Variants in COX7B2 observed in about 807,000 individuals in gnomAD.
The protein encoded by COX7B2 is cytochrome c oxidase subunit 7B2, mitochondrial.
For synonymous variants in COX7B2, 37 were observed against 32.1 expected, an observed-to-expected ratio of 1.15 and a Z score of -0.51; for missense variants, 109 against 95.9, an observed-to-expected ratio of 1.14 and a Z score of -0.57.
intron 2 of COX7B2, among the ~76,000 whole-genome samples, chr4:46,772,713 C>T (rs1235817582): frequency 3.3e-5 from 5 of 151,872 alleles, no homozygotes; most frequent in Admixed American, 3.3e-4. Flanking sequence ...CTCATCTTCA[C>T]AGAAATTTAT....
At chr4:46,807,498 G>GC (rs1719064698) in intron 2 of COX7B2, among the ~76,000 whole-genome samples, 1 of 151,750 alleles carries the variant, frequency 6.6e-6, no homozygotes, top group African/African-American at 2.4e-5. Context: ...CTATACAGGA[G>GC]TTTTTTTAGT....
chr4:46,867,429 C>A (rs887096161), intron 1 of COX7B2, among the ~76,000 whole-genome samples: 1 of 152,202 alleles, frequency 6.6e-6, no homozygotes, highest in African/African-American at 2.4e-5. Context: ...TCTCTAGCTG[C>A]CTTTGATGCT....
chr4:46,848,810 C>T (rs186312312), intron 1 of COX7B2, among the ~76,000 whole-genome samples: 2 of 151,912 alleles, frequency 1.3e-5, no homozygotes, highest in African/African-American at 2.4e-5. Flanking sequence ...TATGCTCAAT[C>T]GTCCCTTGGA....
At chr4:46,787,240 G>A (rs1430392496) in intron 2 of COX7B2, among the ~76,000 whole-genome samples, 1 of 152,176 alleles carries the variant, frequency 6.6e-6, no homozygotes, top group Non-Finnish European at 1.5e-5. Flanking sequence ...CTAAGGTCGG[G>A]AGTTTGAGAC....
At chr4:46,870,566 T>C (rs1717926297) in intron 1 of COX7B2, among the ~76,000 whole-genome samples, 1 of 152,084 alleles carries the variant, frequency 6.6e-6, no homozygotes, top group African/African-American at 2.4e-5. Flanking sequence ...GATGACATGA[T>C]TCAGTATCTA....
At chr4:46,759,143 C>T (rs1352980880) in intron 2 of COX7B2, among the ~76,000 whole-genome samples, 1 of 151,932 alleles carries the variant, frequency 6.6e-6, no homozygotes, top group Non-Finnish European at 1.5e-5. Flanking sequence ...TACTTCTATC[C>T]CAGATCTCAG....
intron 1 of COX7B2, among the ~76,000 whole-genome samples, chr4:46,848,244 C>A (rs999091692): frequency 2.0e-5 from 3 of 151,992 alleles, no homozygotes; most frequent in Non-Finnish European, 2.9e-5. Flanking sequence ...TAATTAAAGT[C>A]GGCTCATTTT....
intron 1 of COX7B2, among the ~76,000 whole-genome samples, chr4:46,845,237 T>C (rs568451024): frequency 6.6e-6 from 1 of 152,042 alleles, no homozygotes; most frequent in Admixed American, 6.6e-5. Context: ...TGTTTTCCAA[T>C]AGTGGTAGAG....
chr4:46,815,723 T>C (rs1448420579), intron 2 of COX7B2, among the ~76,000 whole-genome samples: 1 of 152,200 alleles, frequency 6.6e-6, no homozygotes, highest in Non-Finnish European at 1.5e-5. Flanking sequence ...TTATTTTCTA[T>C]TATTAAAACT....
intron 2 of COX7B2, among the ~76,000 whole-genome samples, chr4:46,775,034 GGATT>G (rs1253266169): frequency 6.6e-6 from 1 of 151,932 alleles, no homozygotes; most frequent in Non-Finnish European, 1.5e-5. Context: ...AGGTTTCTGT[GGATT>G]TTCTGTGGTC....
chr4:46,842,809 C>A (rs1449952677), intron 2 of COX7B2, among the ~76,000 whole-genome samples: 1 of 151,996 alleles, frequency 6.6e-6, no homozygotes, highest in Non-Finnish European at 1.5e-5. Flanking sequence ...CATTGTTGGA[C>A]ATTTAGGTTG....
intron 2 of COX7B2, among the ~76,000 whole-genome samples, chr4:46,788,391 T>C (rs933014079): frequency 1.3e-5 from 2 of 152,192 alleles, no homozygotes; most frequent in African/African-American, 4.8e-5. Flanking sequence ...TTGATGACAA[T>C]GTGTTCTTGA....
intron 1 of COX7B2, among the ~76,000 whole-genome samples, chr4:46,907,010 G>A (rs1047975406): frequency 6.6e-6 from 1 of 152,194 alleles, no homozygotes; most frequent in Non-Finnish European, 1.5e-5. Context: ...CCTAGTCTTA[G>A]TTCTGCCTTT....
intron 1 of COX7B2, among the ~76,000 whole-genome samples, chr4:46,879,779 T>C (rs567548336): frequency 3.3e-5 from 5 of 151,094 alleles, no homozygotes; most frequent in African/African-American, 4.9e-5. Context: ...TTTGAAGGAG[T>C]GCCGTTCCAA....
intron 2 of COX7B2, among the ~76,000 whole-genome samples, chr4:46,832,149 C>G (rs1030155751): frequency 3.9e-5 from 6 of 152,140 alleles, no homozygotes; most frequent in African/African-American, 1.4e-4. Context: ...AAGGTTTGTT[C>G]TTTCGCTCTT....
intron 2 of COX7B2, among the ~76,000 whole-genome samples, chr4:46,830,869 C>T (rs1715034197): frequency 6.6e-6 from 1 of 152,236 alleles, no homozygotes; most frequent in Non-Finnish European, 1.5e-5. Flanking sequence ...TGAGAGGTGA[C>T]AGCATGCTGG....
chr4:46,880,046 A>G (rs920329678), intron 1 of COX7B2, among the ~76,000 whole-genome samples: 1 of 152,086 alleles, frequency 6.6e-6, no homozygotes, highest in Admixed American at 6.6e-5. Context: ...TTTCATGGGA[A>G]TGCTTCCAAC....
chr4:46,783,419 A>G (rs1159843396), intron 2 of COX7B2, among the ~76,000 whole-genome samples: 1 of 152,200 alleles, frequency 6.6e-6, no homozygotes, highest in Non-Finnish European at 1.5e-5. Flanking sequence ...ATTTCAGAAA[A>G]CTAGACAGTC....
At chr4:46,880,376 C>T (rs1718630895) in intron 1 of COX7B2, among the ~76,000 whole-genome samples, 1 of 148,658 alleles carries the variant, frequency 6.7e-6, no homozygotes, top group South Asian at 2.1e-4. Flanking sequence ...TATAATACAT[C>T]CGGTAGAATT....
Sources: allele counts gnomAD v4.1 joint callset (sites outside exome capture counted in the v4.1 genomes callset), GRCh38; gene constraint gnomAD v4.1.1; transcripts MANE v1.5; gene names NCBI Gene and HGNC (gene_info 2026-07-23, HGNC 2026-07-21).